Variants in ACMSD observed in about 807,000 individuals in gnomAD.
ACMSD encodes aminocarboxymuconate semialdehyde decarboxylase.
Under a neutral mutation model 45.9 loss-of-function variants are expected in ACMSD, and 37 were observed. The ratio of observed to expected loss-of-function variants is 0.81; its 90% CI spans 0.62 to 1.06. The LOEUF is 1.06. Ranked by LOEUF, ACMSD falls within the 50% of genes least tolerant of loss-of-function variation. The pLI is 0.00. For missense variants in ACMSD, 434 were observed against 420.9 expected (o/e 1.03, Z -0.27); for synonymous variants, 138 against 148.8 (o/e 0.93, Z 0.53).
At position 134,867,484 on chromosome 2, in the gene ACMSD, T is replaced by C. The variant is rs1000053825; in HGVS notation, c.487-95T>C. On this transcript the variant is annotated intron_variant, in intron 5 of 9. Coordinates refer to ENST00000356140, the MANE Select transcript of ACMSD (RefSeq NM_138326.3). ...TTTAGTTTATTTGTGCAGACCAATA[T>C]AGACTCAGAGAAAAGCAGTTTCCCC... The C allele has an allele frequency of 1.7e-5, 15 of 908,932 alleles. No homozygotes were observed. In the African/African-American group the frequency reaches 1.8e-4, roughly 11 times the overall value. The allele number at this position is 908,932 out of a possible 1,614,324, so 56.3% of individuals were successfully genotyped here.
At chr2:134,898,719 T>C (rs1310830492) in intron 9 of ACMSD, among the ~76,000 whole-genome samples, 3 of 152,116 alleles carry the variant, frequency 2.0e-5, no homozygotes, top group Non-Finnish European at 4.4e-5. Flanking sequence ...AGATAGATCA[T>C]AGGAAAAATG....
At chr2:134,863,691 C>T in intron 5 of ACMSD, 60 bp downstream of exon 5, 1 of 1,560,078 alleles carries the variant, frequency 6.4e-7, no homozygotes, top group Non-Finnish European at 8.8e-7. Context: ...GGGGGCACCG[C>T]TGGGTGCTGG....
chr2:134,876,529 T>C (rs938241698), intron 8 of ACMSD, among the ~76,000 whole-genome samples: 1 of 152,148 alleles, frequency 6.6e-6, no homozygotes, highest in Non-Finnish European at 1.5e-5. Flanking sequence ...GTCTTTCACC[T>C]CCACATCTTG....
At position 134,854,370 on chromosome 2, in the gene ACMSD, A is replaced by G. The variant is rs1047696405; in HGVS notation, c.103-4891A>G. Among the ~76,000 whole-genome samples, 15 of 152,338 alleles carry G rather than the reference A, an allele frequency of 9.8e-5. No individual in the cohort carries two copies. In the East Asian group the frequency reaches 2.1e-3, roughly 22 times the overall value. On this transcript the variant is annotated intron_variant, in intron 2 of 9. Coordinates refer to ENST00000356140, the MANE Select transcript of ACMSD (RefSeq NM_138326.3). ...GAGTTCCTGTGAGGGCCAGAGATCA[A>G]GCTCTGAGGGCTGTGCTAACATGAT...
In ACMSD at chr2:134,895,286, G is replaced by A. The variant is rs1284878867; in HGVS notation, c.850-3055G>A. 4.1e-5 allele frequency among the ~76,000 whole-genome samples: 3 copies of A among 73,744 alleles called. No homozygotes were observed. The Admixed American group carries it at 5.6e-4, about 14-fold the overall frequency. 48.4% of individuals were successfully genotyped at this position (73,744 alleles called of 152,430 possible). On this transcript the variant is annotated intron_variant, in intron 8 of 9. Coordinates refer to ENST00000356140, the MANE Select transcript of ACMSD (RefSeq NM_138326.3). The stretch of plus-strand genomic sequence containing the variant: ...CCACTGCACTCCAGCCTGGGCAACA[G>A]AGTGAGACTGCATCTCAAAAAAGAA...
At chr2:134,851,123 G>A (rs1307417551) in intron 2 of ACMSD, among the ~76,000 whole-genome samples, 6 of 152,172 alleles carry the variant, frequency 3.9e-5, no homozygotes, top group Non-Finnish European at 1.5e-5. Context: ...GCAAGGATAT[G>A]ACTTCATTAT....
At position 134,859,264 on chromosome 2, in the gene ACMSD, G is replaced by C; in HGVS notation, c.106G>C (p.Glu36Gln). 6.2e-7 allele frequency: 1 copy of C among 1,614,024 alleles called. No individual in the cohort carries two copies. Among genetic ancestry groups the C allele is most frequent in the Non-Finnish European group, 8.5e-7 (1 of 1,179,924 alleles). Residue 36 changes from glutamate (E) to glutamine (Q), a missense_variant, in exon 3 of 10, where the codon GAA (glutamate) becomes CAA (glutamine). Physicochemically the swap from Glu to Gln is conservative, Grantham distance 29. Coordinates refer to ENST00000356140, the MANE Select transcript of ACMSD (RefSeq NM_138326.3). ...WVQLQHHSKG[E>Q]AKLLKDGKVF... Reference sequence around the variant, plus strand: ...TAATGTGGGTTTTCTGCCCCAGGGAGAAGCAAAGTTGTTGAAAGATGGGAA... The same window carrying C: ...TAATGTGGGTTTTCTGCCCCAGGGACAAGCAAAGTTGTTGAAAGATGGGAA...
At chr2:134,874,428 A>G (rs1022665000) in intron 8 of ACMSD, among the ~76,000 whole-genome samples, 3 of 152,210 alleles carry the variant, frequency 2.0e-5, no homozygotes, top group Admixed American at 6.5e-5. Flanking sequence ...ACATTAGCAA[A>G]TTCGCTTTTA....
At chr2:134,885,133 T>C (rs531840949) in intron 8 of ACMSD, among the ~76,000 whole-genome samples, 217 of 148,570 alleles carry the variant, frequency 1.5e-3, no homozygotes, top group African/African-American at 5.2e-3. Flanking sequence ...GAGGCAGAAG[T>C]TGCAGTGAGC....
At chr2:134,860,997 T>C (rs1301307844) in intron 3 of ACMSD, among the ~76,000 whole-genome samples, 1 of 151,698 alleles carries the variant, frequency 6.6e-6, no homozygotes, top group African/African-American at 2.4e-5. Context: ...ACCACTACAC[T>C]CCAGCCTAGT....
chr2:134,847,762 T>C (rs1270639220), intron 2 of ACMSD, among the ~76,000 whole-genome samples: 1 of 152,212 alleles, frequency 6.6e-6, no homozygotes, highest in Admixed American at 6.5e-5. Flanking sequence ...TCCAGCTTCA[T>C]CCATGTCCCT....
At chr2:134,873,622 C>T (rs982376184) in intron 8 of ACMSD, 1 of 152,202 alleles carries the variant, frequency 6.6e-6, no homozygotes, top group Non-Finnish European at 1.5e-5. Flanking sequence ...AGAATGGACA[C>T]TTTATCTCAT....
chr2:134,863,162 C>A, intron 4 of ACMSD: 1 of 711,990 alleles, frequency 1.4e-6, no homozygotes, highest in African/African-American at 1.9e-5. Flanking sequence ...CTGATTCTGG[C>A]CTCAATTTTT....
chr2:134,884,807 T>G (rs1323561946), intron 8 of ACMSD, among the ~76,000 whole-genome samples: 1 of 152,194 alleles, frequency 6.6e-6, no homozygotes, highest in East Asian at 1.9e-4. Flanking sequence ...ATAAATGTAT[T>G]TATAAAACCT....
intron 8 of ACMSD, among the ~76,000 whole-genome samples, chr2:134,895,979 G>A (rs1690126343): frequency 6.6e-6 from 1 of 152,022 alleles, no homozygotes; most frequent in Non-Finnish European, 1.5e-5. Flanking sequence ...AGACTCTATG[G>A]GACTAGCCTA....
At chr2:134,849,570 T>C (rs1181545605) in intron 2 of ACMSD, among the ~76,000 whole-genome samples, 3 of 152,206 alleles carry the variant, frequency 2.0e-5, no homozygotes, top group Admixed American at 6.5e-5. Context: ...GCCCCCAGGA[T>C]TGACTTACCC....
At chr2:134,857,956 T>C (rs1359764554) in intron 2 of ACMSD, 3 of 151,930 alleles carry the variant, frequency 2.0e-5, no homozygotes, top group Non-Finnish European at 2.9e-5. Context: ...TCTGTATCTA[T>C]TGATATGATC....
Position 134,855,036 on chromosome 2 carries a change from C to T in ACMSD, c.103-4225C>T, listed in dbSNP as rs1687516037. Among the ~76,000 whole-genome samples, 2 of 113,860 alleles carry T rather than the reference C, an allele frequency of 1.8e-5. 1 individual carries two copies. The highest frequency in any genetic ancestry group is 7.8e-4 in the South Asian group (2 of 2,576). 74.7% of individuals were successfully genotyped at this position (113,860 alleles called of 152,430 possible). A position where few individuals can be genotyped will look rare whatever the true frequency, so the allele number is the denominator to read the frequency against. ...ATTTGCCAAATCAAAGTTTGTTTCT[C>T]AACTTTTTTTTTTCACCATCACCCC... is the stretch of plus-strand genomic sequence containing the variant. On this transcript the variant is annotated intron_variant, in intron 2 of 9. Coordinates refer to ENST00000356140, the MANE Select transcript of ACMSD (RefSeq NM_138326.3).
At position 134,901,902 on chromosome 2, in the gene ACMSD, T is replaced by C; in HGVS notation, c.*42T>C. On this transcript the variant is annotated 3_prime_UTR_variant, in exon 10 of 10. Coordinates refer to ENST00000356140, the MANE Select transcript of ACMSD (RefSeq NM_138326.3). ...GGCAAACTTTCAAAAGGATATCTCA[T>C]TTTTGTTTCTAAATATGTATCAACA... is the stretch of plus-strand genomic sequence containing the variant. The C allele has an allele frequency of 6.6e-7, 1 of 1,508,816 alleles. No homozygotes were observed. Among genetic ancestry groups the C allele is most frequent in the Non-Finnish European group, 9.1e-7 (1 of 1,101,890 alleles). 93.5% of individuals were successfully genotyped at this position (1,508,816 alleles called of 1,614,324 possible).
Sources: gnomAD v4.1 joint callset for allele counts (sites outside exome capture counted in the v4.1 genomes callset) on GRCh38, gnomAD v4.1.1 for gene constraint, MANE v1.5 for transcripts, NCBI Gene and HGNC (gene_info 2026-07-23, HGNC 2026-07-21) for gene names.